The following RELN variants were observed in gnomAD, a reference collection of about 807,000 sequenced individuals.
RELN encodes reelin.
In RELN, 108 loss-of-function variants were observed where a neutral mutation model predicts 427.6. The ratio of observed to expected loss-of-function variants is 0.25; its 90% CI spans 0.22 to 0.30. The LOEUF is 0.30. Among genes scored for constraint, RELN ranks in the 10% least tolerant of loss-of-function variants. RELN has a pLI of 1.00. For synonymous variants in RELN, 1,524 were observed against 1,513.4 expected (o/e 1.01, Z -0.16); for missense variants, 3,715 against 4,302.8 (o/e 0.86, Z 3.82).
intron 58 of RELN, among the ~76,000 whole-genome samples, chr7:103,491,516 G>A (rs544556211): frequency 7.2e-5 from 11 of 152,066 alleles, no homozygotes; most frequent in Non-Finnish European, 1.0e-4. Context: ...AAATATGCAC[G>A]AACTACCACT....
chr7:103,749,162 TC>T (rs1328870805), intron 6 of RELN, among the ~76,000 whole-genome samples: 1 of 152,060 alleles, frequency 6.6e-6, no homozygotes, highest in Non-Finnish European at 1.5e-5. Context: ...CATAATATTT[TC>T]TATGTAAGGA....
At chr7:103,986,110 C>T (rs765377722) in intron 1 of RELN, among the ~76,000 whole-genome samples, 3 of 152,098 alleles carry the variant, frequency 2.0e-5, no homozygotes, top group African/African-American at 4.8e-5. Context: ...TCTAATTCAA[C>T]ATGATGTATA....
Position 103,472,840 on chromosome 7 carries a change from C to T in RELN, c.10355G>A (p.Arg3452Lys), listed in dbSNP as rs149434986. The stretch of plus-strand genomic sequence containing the variant: ...TGGGTATCGCCTAAGTGACCTTCGT[C>T]TTCTGTTGTAGAAATGTCTGAGCCC... Reference protein sequence around the residue: ...QHGLRHFYNRRRRSLRRYP With the variant: ...QHGLRHFYNRKRRSLRRYP Residue 3452 changes from arginine to lysine, a missense_variant, in exon 65 of 65, where the codon AGA becomes AAA. Around this residue, in one of 4 missense-constraint regions of RELN, gnomAD observed 195 missense variants for 281.3 expected, o/e 0.69. Coordinates refer to ENST00000428762, the MANE Select transcript of RELN (RefSeq NM_005045.4). 4.2e-5 allele frequency: 67 copies of T among 1,613,784 alleles called. No homozygotes were observed. Among genetic ancestry groups the T allele is most frequent in the Non-Finnish European group, 5.7e-5 (67 of 1,179,842 alleles).
In RELN at chr7:103,917,198, AAAG is replaced by A; in HGVS notation, c.227-16_227-14del. ...GTTGAAATTGTCACTGAAATGTAAG[AAAG>A]AAAAAAAAAACTCTCAATACAGTCA... On this transcript the variant is annotated splice_polypyrimidine_tract_variant and intron_variant, in intron 1 of 64. Coordinates refer to ENST00000428762, the MANE Select transcript of RELN (RefSeq NM_005045.4). 1 of 1,589,226 alleles carries A rather than the reference AAAG, an allele frequency of 6.3e-7. No homozygotes were observed. Among genetic ancestry groups the A allele is most frequent in the Non-Finnish European group, 8.6e-7 (1 of 1,157,630 alleles).
chr7:103,565,908 CATCT>C (rs1304960582), intron 33 of RELN, among the ~76,000 whole-genome samples: 2 of 152,158 alleles, frequency 1.3e-5, no homozygotes, highest in African/African-American at 4.8e-5. Flanking sequence ...GCACTTCAAA[CATCT>C]ATCTTTTTTT....
chr7:103,967,787 C>T (rs1796688895), intron 1 of RELN, among the ~76,000 whole-genome samples: 1 of 152,156 alleles, frequency 6.6e-6, no homozygotes, highest in African/African-American at 2.4e-5. Flanking sequence ...CACACTCAGG[C>T]CTAAACTACC....
chr7:103,485,751 ACCAT>A lies in RELN; in HGVS notation c.9983+442_9983+445del, dbSNP rs3840642. On this transcript the variant is annotated intron_variant, in intron 61 of 64. Coordinates refer to ENST00000428762, the MANE Select transcript of RELN (RefSeq NM_005045.4). ...AAATTTTAAAGGTCTTATCCATCCA[ACCAT>A]CCATCCATCCATCCATCCTCCATTT... Among the ~76,000 whole-genome samples, 7 of 99,296 alleles carry A rather than the reference ACCAT, an allele frequency of 7.0e-5. No individual in the cohort carries two copies. In the South Asian group the frequency reaches 9.6e-4, roughly 14 times the overall value. The allele number at this position is 99,296 out of a possible 152,430, so 65.1% of individuals were successfully genotyped here.
chr7:103,502,705 G>A (rs1829075088), intron 52 of RELN, among the ~76,000 whole-genome samples: 1 of 152,182 alleles, frequency 6.6e-6, no homozygotes, highest in Non-Finnish European at 1.5e-5. Flanking sequence ...AGGTTGAGAA[G>A]GTAGGGTACA....
chr7:103,859,970 TG>T (rs1794035046), intron 2 of RELN, among the ~76,000 whole-genome samples: 1 of 152,134 alleles, frequency 6.6e-6, no homozygotes, highest in African/African-American at 2.4e-5. Context: ...CAAATCCCCA[TG>T]AACAAAATAT....
At chr7:103,728,541 C>T (rs1451251711) in intron 6 of RELN, among the ~76,000 whole-genome samples, 1 of 152,034 alleles carries the variant, frequency 6.6e-6, no homozygotes, top group Non-Finnish European at 1.5e-5. Context: ...ATACAAAACA[C>T]AGAATACAGA....
chr7:103,493,412 A>G (rs1339044978), intron 57 of RELN, among the ~76,000 whole-genome samples: 2 of 152,230 alleles, frequency 1.3e-5, no homozygotes, highest in Non-Finnish European at 2.9e-5. Context: ...TGGTGAGGGA[A>G]GATATTAAGT....
rs182303209 is a variant in RELN, at chr7:103,930,463, C to T, written c.227-13278G>A. 4.3e-4 allele frequency among the ~76,000 whole-genome samples: 65 copies of T among 151,962 alleles called. 1 individual carries two copies. The highest frequency in any genetic ancestry group is 1.6e-3 in the Admixed American group (24 of 15,248). On this transcript the variant is annotated intron_variant, in intron 1 of 64. Coordinates refer to ENST00000428762, the MANE Select transcript of RELN (RefSeq NM_005045.4). ...GGGGGGTGTGGACAGTTCAGCCCCC[C>T]GTAATGCATTTCTTTCTTTTTTGAC...
Position 103,578,374 on chromosome 7 carries a change from G to T in RELN, c.4146-2669C>A, listed in dbSNP as rs362651. Among the ~76,000 whole-genome samples, 574 of 152,226 alleles carry T rather than the reference G, an allele frequency of 3.8e-3. 25 individuals are homozygous for T. In the East Asian group the frequency reaches 0.097, roughly 26 times the overall value. The stretch of plus-strand genomic sequence containing the variant: ...AAAGACTAATCATTTGGTTAATAGG[G>T]TAAGTCCAGAACATGGTGAATCATA... On this transcript the variant is annotated intron_variant, in intron 28 of 64. Transcript: ENST00000428762.
At position 103,589,224 on chromosome 7, in the gene RELN, T is replaced by C. The variant is rs142278267; in HGVS notation, c.4145+372A>G. The stretch of plus-strand genomic sequence containing the variant: ...TGTCAGTATTTCAGATGGCCACATT[T>C]ATAAAGCTGAGTGCAAACAATTACC... On this transcript the variant is annotated intron_variant, in intron 28 of 64. Transcript: ENST00000428762. Among the ~76,000 whole-genome samples, 630 of 152,360 alleles carry C rather than the reference T, an allele frequency of 4.1e-3. 6 individuals carry two copies. Among genetic ancestry groups the C allele is most frequent in the Non-Finnish European group, 6.9e-3 (468 of 68,042 alleles).
chr7:103,495,810 A>G lies in RELN; in HGVS notation c.9282T>C (p.Tyr3094=), dbSNP rs1432133683. 9.3e-6 allele frequency: 15 copies of G among 1,613,904 alleles called. No individual in the cohort carries two copies. The highest frequency in any genetic ancestry group is 1.3e-5 in the African/African-American group (1 of 74,892). Residue 3094 remains tyrosine, a synonymous_variant, in exon 57 of 65, where the codon TAT becomes TAC. Transcript: ENST00000428762. ...TCTTGTCCTTCTTTTTATTTGGCCA[A>G]TAGAGGTGAAAGGATGGATTGCCAC... The part of the protein sequence containing the change: ...GFCGNPSFHL[Y]WPNKKKDKTH...
At chr7:103,914,470 T>C (rs1795439014) in intron 2 of RELN, among the ~76,000 whole-genome samples, 1 of 151,936 alleles carries the variant, frequency 6.6e-6, no homozygotes, top group Admixed American at 6.6e-5. Context: ...CTTTTTTTGC[T>C]CCCCCTATAG....
chr7:103,709,289 A>G (rs1222308692), intron 8 of RELN, among the ~76,000 whole-genome samples: 1 of 152,186 alleles, frequency 6.6e-6, no homozygotes, highest in Non-Finnish European at 1.5e-5. Flanking sequence ...GGGTAACAAC[A>G]TCACATGGTT....
chr7:103,758,872 A>G (rs972588848), intron 4 of RELN, among the ~76,000 whole-genome samples: 3 of 151,912 alleles, frequency 2.0e-5, no homozygotes, highest in Admixed American at 6.6e-5. Context: ...GCAAAATACA[A>G]AGATTTAGAT....
intron 1 of RELN, among the ~76,000 whole-genome samples, chr7:103,966,973 A>C (rs1042224987): frequency 2.0e-5 from 3 of 152,182 alleles, no homozygotes; most frequent in Non-Finnish European, 2.9e-5. Context: ...CCTACACCTA[A>C]TCAAAGCTCT....
Sources: gnomAD v4.1 joint callset for allele counts (sites outside exome capture counted in the v4.1 genomes callset) on GRCh38, gnomAD v4.1.1 for gene constraint, gnomAD v4.1.1 regional missense constraint, MANE v1.5 for transcripts, NCBI Gene and HGNC (gene_info 2026-07-23, HGNC 2026-07-21) for gene names.